The following KSR2 variants were observed in gnomAD, a reference collection of about 807,000 sequenced individuals.
KSR2 encodes the protein kinase suppressor of ras 2.
A neutral mutation model predicts 107.8 loss-of-function variants in KSR2; 25 were observed. The observed-to-expected ratio is 0.23, with a 90% CI of 0.17 to 0.32. The LOEUF (loss-of-function observed/expected upper bound fraction) is 0.32. Ranked by LOEUF, KSR2 falls within the 10% of genes least tolerant of loss-of-function variation. The pLI, the probability that KSR2 is intolerant of heterozygous loss-of-function variation, is 1.00. For synonymous variants in KSR2, 480 were observed against 507.0 expected (o/e 0.95, Z 0.71); for missense variants, 887 against 1,268.9 (o/e 0.70, Z 4.57).
At chr12:117,850,551 C>A (rs1892881284) in intron 3 of KSR2, among the ~76,000 whole-genome samples, 1 of 152,154 alleles carries the variant, frequency 6.6e-6, no homozygotes, top group African/African-American at 2.4e-5. Flanking sequence ...ATGAGGAAGA[C>A]TGTGTTCTTT....
chr12:117,859,140 T>A (rs1252810748), intron 2 of KSR2, among the ~76,000 whole-genome samples: 22 of 60,164 alleles, frequency 3.7e-4, no homozygotes, highest in African/African-American at 2.9e-3. Flanking sequence ...TGAGCTGAAC[T>A]TTTTTTTTTT....
intron 1 of KSR2, among the ~76,000 whole-genome samples, chr12:117,947,807 T>C (rs11513726): frequency 0.38 from 57,695 of 151,820 alleles, 11,229 homozygotes; most frequent in African/African-American, 0.43. Flanking sequence ...TGAGCGTAAG[T>C]CTAACAAAAC....
intron 14 of KSR2, among the ~76,000 whole-genome samples, chr12:117,510,878 A>C (rs1873983350): frequency 3.8e-5 from 1 of 26,150 alleles, no homozygotes; most frequent in Admixed American, 2.7e-4. Flanking sequence ...ACCCTGTCTC[A>C]AAAAAAAAAA....
chr12:117,571,691 C>T (rs1878905260), intron 7 of KSR2, among the ~76,000 whole-genome samples: 1 of 152,202 alleles, frequency 6.6e-6, no homozygotes, highest in Non-Finnish European at 1.5e-5. Context: ...GCTCCTTGGT[C>T]CTAGGGAAGA....
At chr12:117,952,681 A>G (rs573644640) in intron 1 of KSR2, among the ~76,000 whole-genome samples, 1 of 151,544 alleles carries the variant, frequency 6.6e-6, no homozygotes, top group South Asian at 2.1e-4. Context: ...CTCAAAAACA[A>G]CAACAACAAC....
chr12:117,540,457 A>G (rs965486829), intron 9 of KSR2, among the ~76,000 whole-genome samples: 1 of 152,218 alleles, frequency 6.6e-6, no homozygotes, highest in African/African-American at 2.4e-5. Flanking sequence ...TGGGTTGAAC[A>G]GTGTCCCCCA....
chr12:117,711,117 CT>C (rs1886757073), intron 4 of KSR2, among the ~76,000 whole-genome samples: 1 of 152,214 alleles, frequency 6.6e-6, no homozygotes, highest in Non-Finnish European at 1.5e-5. Flanking sequence ...ACTTATATCT[CT>C]TTGTGTAATT....
At chr12:117,718,813 A>C (rs1308485306) in intron 4 of KSR2, among the ~76,000 whole-genome samples, 3 of 152,204 alleles carry the variant, frequency 2.0e-5, no homozygotes, top group Non-Finnish European at 4.4e-5. Flanking sequence ...CTGGCAAGGC[A>C]TGGCCTTTCA....
At chr12:117,573,313 G>A (rs1879023317) in intron 7 of KSR2, among the ~76,000 whole-genome samples, 1 of 152,066 alleles carries the variant, frequency 6.6e-6, no homozygotes, top group Admixed American at 6.6e-5. Flanking sequence ...AATGGACTGG[G>A]TACAAGGATG....
intron 4 of KSR2, among the ~76,000 whole-genome samples, chr12:117,714,753 T>C (rs1376240205): frequency 1.3e-5 from 2 of 152,128 alleles, no homozygotes. Context: ...TCAAAAGACA[T>C]TTTTGGGTGT....
chr12:117,866,013 C>T (rs1019907308), intron 1 of KSR2, among the ~76,000 whole-genome samples: 1 of 151,076 alleles, frequency 6.6e-6, no homozygotes, highest in Non-Finnish European at 1.5e-5. Context: ...ACTCTCTAAC[C>T]TCTGTAACAC....
chr12:117,886,471 T>C (rs1471930827), intron 1 of KSR2, among the ~76,000 whole-genome samples: 1 of 152,134 alleles, frequency 6.6e-6, no homozygotes, highest in African/African-American at 2.4e-5. Flanking sequence ...GATACCATTG[T>C]GTTACCATTG....
chr12:117,644,170 C>A (rs116584372), intron 5 of KSR2, among the ~76,000 whole-genome samples: 1 of 152,174 alleles, frequency 6.6e-6, no homozygotes, highest in Non-Finnish European at 1.5e-5. Context: ...ATATAGCAAG[C>A]AGACCAGATA....
At chr12:117,631,977 A>G (rs1882827531) in intron 5 of KSR2, among the ~76,000 whole-genome samples, 1 of 152,184 alleles carries the variant, frequency 6.6e-6, no homozygotes, top group Non-Finnish European at 1.5e-5. Flanking sequence ...TACAGTACAA[A>G]AGACCATTAA....
At position 117,716,865 on chromosome 12, in the gene KSR2, C is replaced by T. The variant is rs144777029; in HGVS notation, c.986+44146G>A. Among the ~76,000 whole-genome samples, 89 of 152,290 alleles carry T rather than the reference C, an allele frequency of 5.8e-4. 1 individual carries two copies. The East Asian group carries it at 0.016, about 27-fold the overall frequency. On this transcript the variant is annotated intron_variant, in intron 4 of 19. Coordinates refer to ENST00000339824, the MANE Select transcript of KSR2 (RefSeq NM_173598.6). ...CCTGGGAAAAAAATCTATACAAATG[C>T]AAGCTCTTCTGTAATGAGATTTTCT...
At chr12:117,599,182 CA>C (rs1364287292) in intron 5 of KSR2, among the ~76,000 whole-genome samples, 1 of 152,126 alleles carries the variant, frequency 6.6e-6, no homozygotes, top group Non-Finnish European at 1.5e-5. Flanking sequence ...TGATTTGACA[CA>C]ACTTCAAATG....
chr12:117,792,943 C>A (rs925721338), intron 3 of KSR2, among the ~76,000 whole-genome samples: 1 of 148,470 alleles, frequency 6.7e-6, no homozygotes, highest in Non-Finnish European at 1.5e-5. Flanking sequence ...CATGCACACA[C>A]GCTCACACCA....
chr12:117,642,073 C>T (rs550083286), intron 5 of KSR2, among the ~76,000 whole-genome samples: 7 of 152,310 alleles, frequency 4.6e-5, no homozygotes, highest in Admixed American at 2.0e-4. Flanking sequence ...TGCAGTTTAA[C>T]GACACTCACT....
chr12:117,710,227 T>TA (rs1886706108), intron 4 of KSR2, among the ~76,000 whole-genome samples: 1 of 141,384 alleles, frequency 7.1e-6, no homozygotes, highest in East Asian at 2.2e-4. Flanking sequence ...CTGTTTTGTT[T>TA]AAAGAAAAAA....
Sources: allele counts gnomAD v4.1 joint callset (sites outside exome capture counted in the v4.1 genomes callset), GRCh38; gene constraint gnomAD v4.1.1; transcripts MANE v1.5; gene names NCBI Gene and HGNC (gene_info 2026-07-23, HGNC 2026-07-21).